The following AGBL3 variants were observed in gnomAD, a reference collection of about 807,000 sequenced individuals.
AGBL3 encodes AGBL carboxypeptidase 3, also known as cytosolic carboxypeptidase 3.
A neutral mutation model predicts 94.5 loss-of-function variants in AGBL3; 68 were observed. The observed-to-expected ratio is 0.72, with a 90% confidence interval of 0.59 to 0.88. The LOEUF is 0.88. Among genes scored for constraint, AGBL3 ranks in the 40% least tolerant of loss-of-function variants. AGBL3 has a pLI of 0.00. For synonymous variants in AGBL3, 354 were observed against 370.7 expected (o/e 0.95, Z 0.52); for missense variants, 934 against 1,103.8 (o/e 0.85, Z 2.18).
At chr7:135,019,709 A>G (rs1466358139) in intron 5 of AGBL3, among the ~76,000 whole-genome samples, 2 of 152,236 alleles carry the variant, frequency 1.3e-5, no homozygotes, top group African/African-American at 2.4e-5. Flanking sequence ...TACTGGTACC[A>G]AAACAGAGAT....
At chr7:135,038,321 CA>C (rs1169829316) in intron 8 of AGBL3, among the ~76,000 whole-genome samples, 1 of 152,134 alleles carries the variant, frequency 6.6e-6, no homozygotes, top group Non-Finnish European at 1.5e-5. Context: ...AAAGAAAGAA[CA>C]GGTTTGTTCG....
At position 135,045,862 on chromosome 7, in the gene AGBL3, G is replaced by C; in HGVS notation, c.1792G>C (p.Glu598Gln). 6.4e-7 allele frequency: 1 copy of C among 1,550,788 alleles called. No homozygotes were observed. The highest frequency in any genetic ancestry group is 8.7e-7 in the Non-Finnish European group (1 of 1,146,336). ...ACATATAACCCTGGAAAAAGTCTTT[G>C]AGGATTCAGACACACCTGTGATAGA... ...ERHITLEKVF[E>Q]DSDTPVIDIT... The change falls in exon 11 of 17, where the codon GAG becomes CAG. Residue 598 changes from glutamate (E) to glutamine (Q), a missense_variant. By Grantham distance (29) the Glu-to-Gln change is conservative (BLOSUM62 2). Coordinates refer to ENST00000436302, the MANE Select transcript of AGBL3 (RefSeq NM_178563.4).
intron 12 of AGBL3, among the ~76,000 whole-genome samples, chr7:135,064,370 C>T (rs145904017): frequency 9.6e-4 from 146 of 152,290 alleles, no homozygotes; most frequent in African/African-American, 3.2e-3. Flanking sequence ...TGGTAGGCTT[C>T]GGACTTCAGT....
chr7:135,001,519 T>A (rs1811714220), intron 4 of AGBL3, among the ~76,000 whole-genome samples: 1 of 152,192 alleles, frequency 6.6e-6, no homozygotes, highest in African/African-American at 2.4e-5. Context: ...TAGAACAGAT[T>A]TGTTTAAAGC....
intron 4 of AGBL3, among the ~76,000 whole-genome samples, chr7:134,997,200 C>T (rs1011178692): frequency 5.9e-5 from 9 of 152,170 alleles, no homozygotes; most frequent in Non-Finnish European, 1.0e-4. Context: ...AGGGCTTGTG[C>T]TCTTATGAGA....
chr7:135,037,700 T>G lies in AGBL3; in HGVS notation c.1500+120T>G, dbSNP rs1054209773. The stretch of plus-strand genomic sequence containing the variant: ...CTTTTTTTTTAGTTAGTTTGACCAG[T>G]TTATACAATTGACAATAAGAAAGCA... On this transcript the variant is annotated intron_variant, in intron 8 of 16. Transcript: ENST00000436302. 8.3e-6 allele frequency: 6 copies of G among 727,212 alleles called. No individual in the cohort carries two copies. The African/African-American group carries it at 1.1e-4, about 13-fold the overall frequency. The allele number at this position is 727,212 out of a possible 1,614,324, so 45.0% of individuals were successfully genotyped here.
intron 4 of AGBL3, among the ~76,000 whole-genome samples, chr7:134,997,616 C>T (rs1811172608): frequency 6.6e-6 from 1 of 152,132 alleles, no homozygotes; most frequent in African/African-American, 2.4e-5. Flanking sequence ...GTGTCCAAGG[C>T]CTCTACCACC....
chr7:135,130,327 A>T (rs948529623), intron 16 of AGBL3, among the ~76,000 whole-genome samples: 3 of 152,304 alleles, frequency 2.0e-5, no homozygotes, highest in African/African-American at 7.2e-5. Context: ...CACAAACGCT[A>T]TGGGGCACTT....
chr7:134,996,283 C>G (rs1486415885), intron 4 of AGBL3, among the ~76,000 whole-genome samples: 2 of 152,122 alleles, frequency 1.3e-5, no homozygotes, highest in Non-Finnish European at 2.9e-5. Flanking sequence ...AACCTCAAGG[C>G]AAAAGTTCCC....
intron 7 of AGBL3, among the ~76,000 whole-genome samples, 157 bp from the exon 8 acceptor site, chr7:135,037,261 T>A (rs1816404743): frequency 2.6e-5 from 4 of 152,228 alleles, no homozygotes; most frequent in South Asian, 4.1e-4. Flanking sequence ...ATTGTAGATT[T>A]AAAAAATTGT....
intron 16 of AGBL3, chr7:135,129,287 C>A: frequency 6.6e-7 from 1 of 1,504,830 alleles, no homozygotes; most frequent in African/African-American, 1.4e-5. Flanking sequence ...GTACCTTGTG[C>A]AGGTTGACCT....
rs1445828198 is a variant in AGBL3, at chr7:135,045,497, A to C, written c.1651A>C (p.Ser551Arg). ...TLGNKRGTHFSTKDLESMGYH... is the reference protein window; with the variant it reads ...TLGNKRGTHFRTKDLESMGYH... ...AGGTAACAAACGAGGCACTCATTTC[A>C]GCACGAAAGACCTGGAATCAATGGG... Residue 551 changes from serine (S) to arginine (R), a missense_variant, in exon 10 of 17, where the codon AGC (serine) becomes CGC (arginine). Ser to Arg is a moderately radical substitution (Grantham distance 110). Around this residue, in one of 3 missense-constraint regions of AGBL3, gnomAD observed 441 missense variants for 518.2 expected, o/e 0.85. Transcript: ENST00000436302. 6.4e-7 allele frequency: 1 copy of C among 1,551,234 alleles called. No homozygotes were observed. Among genetic ancestry groups the C allele is most frequent in the Non-Finnish European group, 8.7e-7 (1 of 1,146,592 alleles).
At chr7:135,094,490 G>C in intron 15 of AGBL3, 1 of 456,674 alleles carries the variant, frequency 2.2e-6, no homozygotes, top group Non-Finnish European at 4.4e-6. Context: ...ACTCCTGGTG[G>C]CCATAGTCTT....
In AGBL3 at chr7:135,128,291, C is replaced by CAAAAAAAAAAAAAAAAAAAAAAAAAA. The variant is rs61217008; in HGVS notation, c.2343-6547_2343-6522dup. On this transcript the variant is annotated intron_variant, in intron 16 of 16. Coordinates refer to ENST00000436302, the MANE Select transcript of AGBL3 (RefSeq NM_178563.4). ...TGGGCAACAGAGTGAGACTCCATCT[C>CAAAAAAAAAAAAAAAAAAAAAAAAAA]AAAAAAAAAAAAAAAAAAAAAAAAA... is the stretch of plus-strand genomic sequence containing the variant. Among the ~76,000 whole-genome samples, 2 of 58,070 alleles carry CAAAAAAAAAAAAAAAAAAAAAAAAAA rather than the reference C, an allele frequency of 3.4e-5. 1 individual carries two copies. The allele number at this position is 58,070 out of a possible 152,430, so 38.1% of individuals were successfully genotyped here.
chr7:135,017,973 T>C (rs1176637121), intron 5 of AGBL3, among the ~76,000 whole-genome samples: 1 of 152,220 alleles, frequency 6.6e-6, no homozygotes, highest in Non-Finnish European at 1.5e-5. Context: ...AAATGAGATC[T>C]GATTTAGAAA....
intron 12 of AGBL3, among the ~76,000 whole-genome samples, chr7:135,070,460 G>T (rs1048367837): frequency 1.3e-5 from 2 of 152,120 alleles, no homozygotes; most frequent in East Asian, 3.8e-4. Flanking sequence ...GATGAACATT[G>T]ATACAAAAAT....
intron 15 of AGBL3, among the ~76,000 whole-genome samples, chr7:135,095,161 A>C (rs571223062): frequency 2.0e-5 from 3 of 152,154 alleles, no homozygotes; most frequent in Non-Finnish European, 4.4e-5. Context: ...AGCCTCCTCT[A>C]GTCTTCCTGT....
intron 4 of AGBL3, among the ~76,000 whole-genome samples, chr7:134,998,212 C>G (rs180978380): frequency 4.1e-4 from 63 of 152,266 alleles, no homozygotes; most frequent in Non-Finnish European, 7.3e-5. Flanking sequence ...ATTAATTGGT[C>G]CAGTTCATCA....
intron 3 of AGBL3, among the ~76,000 whole-genome samples, chr7:134,991,204 G>GC (rs1554488024): frequency 8.6e-6 from 1 of 116,428 alleles, no homozygotes; most frequent in Admixed American, 1.0e-4. Flanking sequence ...GTGTGGGTGG[G>GC]GGGGGGGTTG....
Sources: gnomAD v4.1 joint callset for allele counts (sites outside exome capture counted in the v4.1 genomes callset) on GRCh38, gnomAD v4.1.1 for gene constraint, gnomAD v4.1.1 regional missense constraint, MANE v1.5 for transcripts, NCBI Gene and HGNC (gene_info 2026-07-23, HGNC 2026-07-21) for gene names.